Variants in COL26A1 observed in about 807,000 individuals in gnomAD.
COL26A1 encodes collagen alpha-1(XXVI) chain.
In COL26A1, 41 loss-of-function variants were observed where a neutral mutation model predicts 59.3. The ratio of observed to expected loss-of-function variants is 0.69; its 90% confidence interval spans 0.54 to 0.90. The LOEUF is 0.90. Among genes scored for constraint, COL26A1 ranks in the 40% least tolerant of loss-of-function variants. COL26A1 has a pLI of 0.00. For missense variants in COL26A1, 612 were observed against 602.3 expected, an observed-to-expected ratio of 1.02 and a Z score of -0.17; for synonymous variants, 266 against 256.0, an observed-to-expected ratio of 1.04 and a Z score of -0.37.
At chr7:101,405,050 C>T (rs972114228) in intron 1 of COL26A1, among the ~76,000 whole-genome samples, 47 of 151,962 alleles carry the variant, frequency 3.1e-4, no homozygotes, top group Non-Finnish European at 5.3e-4. Flanking sequence ...GGTGAAACCC[C>T]GTCTCTACTA....
intron 8 of COL26A1, among the ~76,000 whole-genome samples, chr7:101,548,765 G>A (rs1795797574): frequency 6.6e-6 from 1 of 152,106 alleles, no homozygotes; most frequent in Admixed American, 6.6e-5. Flanking sequence ...CATAGGAAGG[G>A]TCGATGATCA....
intron 3 of COL26A1, among the ~76,000 whole-genome samples, chr7:101,457,089 G>A (rs998255846): frequency 3.3e-5 from 5 of 152,084 alleles, no homozygotes; most frequent in African/African-American, 1.2e-4. Flanking sequence ...AATGGGCAGG[G>A]GACTAGGGAA....
intron 2 of COL26A1, among the ~76,000 whole-genome samples, chr7:101,433,103 G>A (rs369949542): frequency 1.1e-4 from 16 of 152,192 alleles, no homozygotes; most frequent in South Asian, 4.2e-4. Flanking sequence ...TGGGTGGATC[G>A]CTTGAGGCCA....
At chr7:101,542,711 T>C (rs1050208072) in intron 5 of COL26A1, among the ~76,000 whole-genome samples, 10 of 152,180 alleles carry the variant, frequency 6.6e-5, no homozygotes, top group African/African-American at 2.4e-4. Flanking sequence ...TAGGGTATCC[T>C]GCATTCTTGG....
chr7:101,408,099 C>T (rs2130230008), intron 1 of COL26A1, among the ~76,000 whole-genome samples: 1 of 152,300 alleles, frequency 6.6e-6, no homozygotes, highest in East Asian at 1.9e-4. Context: ...TAGGCTAAGC[C>T]AAGAACCCTC....
intron 3 of COL26A1, among the ~76,000 whole-genome samples, chr7:101,507,267 CTA>C: frequency 1.3e-5 from 2 of 152,298 alleles, no homozygotes; most frequent in South Asian, 4.1e-4. Flanking sequence ...ACTACTCCGT[CTA>C]GCCAATCTGC....
intron 9 of COL26A1, 135 bp from the exon 10 acceptor site, chr7:101,550,972 GC>G (rs1795847024): frequency 1.0e-6 from 1 of 971,148 alleles, no homozygotes; most frequent in Admixed American, 2.1e-5. Flanking sequence ...CCCTTCCCGT[GC>G]CGGCCGGGCC....
At chr7:101,507,736 T>C (rs971636904) in intron 3 of COL26A1, among the ~76,000 whole-genome samples, 3 of 151,952 alleles carry the variant, frequency 2.0e-5, no homozygotes, top group Non-Finnish European at 2.9e-5. Flanking sequence ...TTACCTTAGA[T>C]CTCACCCACC....
At chr7:101,497,093 C>T (rs1318561107) in intron 3 of COL26A1, among the ~76,000 whole-genome samples, 2 of 151,756 alleles carry the variant, frequency 1.3e-5, no homozygotes, top group African/African-American at 4.8e-5. Flanking sequence ...CAAAAATTAG[C>T]TGGGTGCAGT....
rs776842393 is a variant in COL26A1 at position 101,549,129 on chromosome 7, C to T, written c.941-42C>T. On this transcript the variant is annotated intron_variant, in intron 8 of 12. Coordinates refer to ENST00000313669, the MANE Select transcript of COL26A1 (RefSeq NM_001278563.3). ...GCTGGGGTGGGAGGCTGGGGGCGCC[C>T]CCTCTCTGGCCCCAGGTGACCATCT... The T allele has an allele frequency of 3.3e-6, 4 of 1,229,652 alleles. No homozygotes were observed. In the East Asian group the frequency reaches 1.0e-4, roughly 32 times the overall value. 76.2% of individuals were successfully genotyped at this position (1,229,652 alleles called of 1,614,324 possible).
At chr7:101,461,681 C>T (rs1793616432) in intron 3 of COL26A1, among the ~76,000 whole-genome samples, 1 of 152,232 alleles carries the variant, frequency 6.6e-6, no homozygotes, top group Admixed American at 6.5e-5. Flanking sequence ...TTTCTCACTA[C>T]AGCAGAGGAA....
chr7:101,465,708 A>G (rs866487217), intron 3 of COL26A1, among the ~76,000 whole-genome samples: 2,784 of 149,978 alleles, frequency 0.019, 41 homozygotes, highest in Non-Finnish European at 0.029. Context: ...AAAAAAAAAA[A>G]AAAAGAAAAG....
At chr7:101,489,457 C>T (rs893159696) in intron 3 of COL26A1, among the ~76,000 whole-genome samples, 6 of 152,154 alleles carry the variant, frequency 3.9e-5, no homozygotes, top group Non-Finnish European at 5.9e-5. Context: ...CTGATCCAGA[C>T]GCCAAGAGAG....
intron 1 of COL26A1, among the ~76,000 whole-genome samples, chr7:101,378,622 G>A (rs910146008): frequency 3.3e-5 from 5 of 151,980 alleles, no homozygotes; most frequent in African/African-American, 1.2e-4. Context: ...TTGGGGGCTG[G>A]GGACACCAAG....
intron 2 of COL26A1, among the ~76,000 whole-genome samples, chr7:101,445,601 G>T (rs1033631531): frequency 6.6e-6 from 1 of 151,408 alleles, no homozygotes; most frequent in Non-Finnish European, 1.5e-5. Flanking sequence ...GCGTGGTGGC[G>T]GGCGCCTGTA....
At chr7:101,489,756 C>CTCTTTCTT (rs1563007772) in intron 3 of COL26A1, among the ~76,000 whole-genome samples, 3 of 77,712 alleles carry the variant, frequency 3.9e-5, no homozygotes, top group East Asian at 5.7e-4. Flanking sequence ...TTTCTTGTCT[C>CTCTTTCTT]TCTTTCTTTC....
At chr7:101,409,354 T>C (rs1792193994) in intron 1 of COL26A1, among the ~76,000 whole-genome samples, 1 of 152,132 alleles carries the variant, frequency 6.6e-6, no homozygotes, top group Non-Finnish European at 1.5e-5. Context: ...GAGCATGGGG[T>C]TGGGAATGAG....
Position 101,543,313 on chromosome 7 carries a change from G to T in COL26A1, c.605-685G>T, listed in dbSNP as rs964832990. ...ACGTCCCCAGTAGCTGGGGCCACAG[G>T]CGTGCACCACTATGCCCGGTTAACT... On this transcript the variant is annotated intron_variant, in intron 5 of 12. Coordinates refer to ENST00000313669, the MANE Select transcript of COL26A1 (RefSeq NM_001278563.3). Among the ~76,000 whole-genome samples the T allele has an allele frequency of 8.0e-4, 121 of 152,008 alleles. 1 individual carries two copies. The highest frequency in any genetic ancestry group is 1.9e-4 in the Non-Finnish European group (13 of 67,986).
intron 3 of COL26A1, among the ~76,000 whole-genome samples, chr7:101,476,737 C>T (rs551756347): frequency 7.3e-5 from 11 of 151,158 alleles, no homozygotes; most frequent in Non-Finnish European, 1.3e-4. Flanking sequence ...TTAGTAGAGA[C>T]GGGGTTTTAC....
Sources: gnomAD v4.1 joint callset for allele counts (sites outside exome capture counted in the v4.1 genomes callset) on GRCh38, gnomAD v4.1.1 for gene constraint, MANE v1.5 for transcripts, NCBI Gene and HGNC (gene_info 2026-07-23, HGNC 2026-07-21) for gene names.